The following ZEB1 variants were observed in gnomAD, a reference collection of about 807,000 sequenced individuals.
ZEB1 encodes zinc finger E-box binding homeobox 1.
Under a neutral mutation model 84.9 loss-of-function variants are expected in ZEB1, and 21 were observed. The ratio of observed to expected loss-of-function variants is 0.25; its 90% CI spans 0.18 to 0.36. The LOEUF is 0.36. Among genes scored for constraint, ZEB1 ranks in the 10% least tolerant of loss-of-function variants. The pLI is 1.00. For missense variants in ZEB1, 1,104 were observed against 1,330.2 expected, an observed-to-expected ratio of 0.83 and a Z score of 2.65; for synonymous variants, 420 against 471.1, an observed-to-expected ratio of 0.89 and a Z score of 1.41.
chr10:31,520,731 G>C lies in ZEB1; in HGVS notation c.1399G>C (p.Asp467His). ...VISAISLPLV[D>H]QDGTTKIIIN... ...TTCAGCCATCAGTCTTCCTTTGGTT[G>C]ATCAAGATGGAACAACCAAAATTAT... The change falls in exon 7 of 9, where the codon GAT becomes CAT. Residue 467 changes from aspartate to histidine, a missense_variant. Coordinates refer to ENST00000424869, the MANE Select transcript of ZEB1 (RefSeq NM_001174096.2). This position sits in a 1 kb window ranked among gnomAD's most constrained non-coding sequence, Gnocchi z 5.1. 1 of 1,614,074 alleles carries C rather than the reference G, an allele frequency of 6.2e-7. No homozygotes were observed. Among genetic ancestry groups the C allele is most frequent in the South Asian group, 1.1e-5 (1 of 91,080 alleles).
chr10:31,409,032 CT>C (rs1192846457), intron 1 of ZEB1, among the ~76,000 whole-genome samples: 1 of 152,054 alleles, frequency 6.6e-6, no homozygotes, highest in Non-Finnish European at 1.5e-5. Flanking sequence ...CTACAATGAA[CT>C]CAAATAAATT....
chr10:31,519,951 A>G (rs1034418340), intron 6 of ZEB1, among the ~76,000 whole-genome samples, 175 bp from the exon 7 acceptor site: 14 of 152,202 alleles, frequency 9.2e-5, no homozygotes, highest in Non-Finnish European at 1.8e-4. Context: ...ACTAGCGTTC[A>G]TCACATCTAT....
intron 1 of ZEB1, among the ~76,000 whole-genome samples, chr10:31,449,020 C>A (rs948531809): frequency 6.6e-6 from 1 of 152,210 alleles, no homozygotes. Context: ...GCCTCGCTGC[C>A]GCCTTGCAGT....
intron 1 of ZEB1, among the ~76,000 whole-genome samples, chr10:31,364,035 T>C (rs114591270): frequency 0.015 from 2,302 of 152,214 alleles, 43 homozygotes; most frequent in African/African-American, 0.052. Context: ...AAAATACGCT[T>C]AGCGAGTTGC....
rs532107211 is a variant in ZEB1, at chr10:31,528,212, C to T, written c.*948C>T. 6.6e-6 allele frequency: 1 copy of T among 152,292 alleles called. No homozygotes were observed. Among genetic ancestry groups the T allele is most frequent in the South Asian group, 2.1e-4 (1 of 4,824 alleles). The allele number at this position is 152,292 out of a possible 1,614,324, so 9.4% of individuals were successfully genotyped here. Reference sequence around the variant, plus strand: ...CCAATGTGTGGCCTACAATAACTAGCATTTGTTGATTTGTCTCTTGTATCA... The same window carrying T: ...CCAATGTGTGGCCTACAATAACTAGTATTTGTTGATTTGTCTCTTGTATCA... On this transcript the variant is annotated 3_prime_UTR_variant, in exon 9 of 9. Transcript: ENST00000424869.
intron 1 of ZEB1, among the ~76,000 whole-genome samples, chr10:31,385,651 C>A (rs565937296): frequency 6.6e-6 from 1 of 151,998 alleles, no homozygotes; most frequent in African/African-American, 2.4e-5. Flanking sequence ...CTTAGCCCCC[C>A]CAAGTAACTG....
chr10:31,426,139 A>G lies in ZEB1; in HGVS notation c.59-34898A>G, dbSNP rs562654164. On this transcript the variant is annotated intron_variant, in intron 1 of 8. Coordinates refer to ENST00000424869, the MANE Select transcript of ZEB1 (RefSeq NM_001174096.2). ...AGTGATGATAATACCAACTCTACCA[A>G]TGTTACAGTATGTTGTTCTGAGGAT... Among the ~76,000 whole-genome samples the G allele has an allele frequency of 4.6e-5, 7 of 152,248 alleles. No individual in the cohort carries two copies. The South Asian group carries it at 1.2e-3, about 27-fold the overall frequency.
At chr10:31,443,031 G>A (rs182019254) in intron 1 of ZEB1, among the ~76,000 whole-genome samples, 3 of 152,304 alleles carry the variant, frequency 2.0e-5, no homozygotes, top group Non-Finnish European at 2.9e-5. Flanking sequence ...TAAGAGATTA[G>A]CCAGCATAGA....
chr10:31,362,567 G>T (rs1442363336), intron 1 of ZEB1, among the ~76,000 whole-genome samples: 2 of 151,800 alleles, frequency 1.3e-5, no homozygotes, highest in East Asian at 3.9e-4. Flanking sequence ...AGACTGTGAG[G>T]CTGCTGGGCA....
At chr10:31,320,859 GC>G (rs1026569443) in intron 1 of ZEB1, among the ~76,000 whole-genome samples, 1 of 152,166 alleles carries the variant, frequency 6.6e-6, no homozygotes, top group Non-Finnish European at 1.5e-5. Context: ...AGGGAGAGCA[GC>G]CCCCGCCTGC....
chr10:31,446,649 T>G (rs529654083), intron 1 of ZEB1, among the ~76,000 whole-genome samples: 3 of 152,304 alleles, frequency 2.0e-5, no homozygotes, highest in African/African-American at 7.2e-5. Flanking sequence ...TATCTTTATT[T>G]CTGCCTTCAT....
intron 3 of ZEB1, 85 bp downstream of exon 3, chr10:31,495,923 T>G: frequency 7.1e-7 from 1 of 1,411,054 alleles, no homozygotes; most frequent in Non-Finnish European, 1.0e-6. Flanking sequence ...AGTCCTGAAT[T>G]TAGTCCGTTT....
chr10:31,428,357 A>G (rs538201782), intron 1 of ZEB1, among the ~76,000 whole-genome samples: 2 of 152,276 alleles, frequency 1.3e-5, no homozygotes, highest in African/African-American at 4.8e-5. Context: ...TTCAGTTTCC[A>G]TGTAATTGTA....
chr10:31,471,528 G>A lies in ZEB1; in HGVS notation c.259+10291G>A, dbSNP rs1252181858. ...AGAGCTAACTATCCTAAATATATAT[G>A]CACCCAATACAGGAGCACCCAGATT... On this transcript the variant is annotated intron_variant, in intron 2 of 8. Transcript: ENST00000424869. Among the ~76,000 whole-genome samples the A allele has an allele frequency of 4.2e-4, 62 of 147,816 alleles. 1 individual carries two copies. Among genetic ancestry groups the A allele is most frequent in the African/African-American group, 1.5e-3 (59 of 40,284 alleles).
intron 1 of ZEB1, among the ~76,000 whole-genome samples, chr10:31,370,769 A>G (rs894653072): frequency 1.1e-4 from 16 of 152,220 alleles, no homozygotes; most frequent in African/African-American, 3.9e-4. Context: ...TGTGGTTCTT[A>G]AGAGGTCTTG....
chr10:31,367,764 C>T (rs2044817249), intron 1 of ZEB1, among the ~76,000 whole-genome samples: 1 of 152,042 alleles, frequency 6.6e-6, no homozygotes, highest in Non-Finnish European at 1.5e-5. Context: ...TATCAATATG[C>T]TGACTCTATA....
At chr10:31,418,012 T>C (rs941772906) in intron 1 of ZEB1, among the ~76,000 whole-genome samples, 2 of 151,966 alleles carry the variant, frequency 1.3e-5, no homozygotes, top group Non-Finnish European at 2.9e-5. Context: ...AGCAAACTTT[T>C]TTAGTAGAAG....
chr10:31,372,838 C>T (rs576405766), intron 1 of ZEB1, among the ~76,000 whole-genome samples: 4 of 151,920 alleles, frequency 2.6e-5, no homozygotes, highest in East Asian at 3.9e-4. Context: ...TTCTTAAAAG[C>T]GTTTTCAGAA....
chr10:31,391,668 CT>C (rs1246854192), intron 1 of ZEB1, among the ~76,000 whole-genome samples: 1 of 152,176 alleles, frequency 6.6e-6, no homozygotes, highest in Non-Finnish European at 1.5e-5. Context: ...GCATTTTTCA[CT>C]TTTATTCTCA....
Sources: allele counts gnomAD v4.1 joint callset (sites outside exome capture counted in the v4.1 genomes callset), GRCh38; gene constraint gnomAD v4.1.1; non-coding constraint Gnocchi (gnomAD v3.1); transcripts MANE v1.5; gene names NCBI Gene and HGNC (gene_info 2026-07-23, HGNC 2026-07-21).